The following ACOT11 variants were observed in gnomAD, a reference collection of about 807,000 sequenced individuals.
ACOT11 encodes the protein acyl-coenzyme A thioesterase 11.
A neutral mutation model predicts 77.5 loss-of-function variants in ACOT11; 69 were observed. That is an observed-to-expected ratio of 0.89 (90% CI 0.73 to 1.09). The LOEUF (loss-of-function observed/expected upper bound fraction) is 1.09, where lower values mean the gene tolerates loss of function less well. ACOT11 is among the 50% of genes least tolerant of loss of function. The pLI is 0.00. For missense variants in ACOT11, 766 were observed against 813.7 expected (o/e 0.94, Z 0.71); for synonymous variants, 279 against 313.0 (o/e 0.89, Z 1.15).
chr1:54,587,129 A>T (rs1229839765), intron 3 of ACOT11, among the ~76,000 whole-genome samples: 1 of 152,190 alleles, frequency 6.6e-6, no homozygotes, highest in Non-Finnish European at 1.5e-5. Flanking sequence ...TGCAAAGTCC[A>T]CTGGAGCACA....
intron 1 of ACOT11, among the ~76,000 whole-genome samples, chr1:54,580,336 C>CTG (rs1328380428): frequency 2.0e-5 from 3 of 152,346 alleles, no homozygotes; most frequent in Admixed American, 6.5e-5. Context: ...TCTGCAGGCA[C>CTG]TGTGATCTCA....
At chr1:54,582,576 A>C (rs1302726302) in intron 1 of ACOT11, 3 of 963,900 alleles carry the variant, frequency 3.1e-6, no homozygotes, top group Non-Finnish European at 3.7e-6. Context: ...ACGGGAGTGC[A>C]TGGGAGGAGG....
intron 1 of ACOT11, among the ~76,000 whole-genome samples, chr1:54,568,125 T>C (rs389591): frequency 0.29 from 44,684 of 151,980 alleles, 9,145 homozygotes; most frequent in African/African-American, 0.57. Context: ...TGTTCTCTTG[T>C]CCGCAACCCT....
At chr1:54,560,171 G>A (rs527652884) in intron 1 of ACOT11, among the ~76,000 whole-genome samples, 57 of 152,318 alleles carry the variant, frequency 3.7e-4, no homozygotes, top group Middle Eastern at 3.4e-3. Flanking sequence ...GAGACAGAGG[G>A]AGGTACAAAC....
chr1:54,597,057 C>G (rs1413589202), intron 6 of ACOT11, among the ~76,000 whole-genome samples: 1 of 152,252 alleles, frequency 6.6e-6, no homozygotes, highest in Non-Finnish European at 1.5e-5. Context: ...TGTCTCAGAG[C>G]TGGTGCTGCA....
intron 15 of ACOT11, among the ~76,000 whole-genome samples, chr1:54,623,068 C>G (rs184101890): frequency 6.6e-6 from 1 of 151,180 alleles, no homozygotes; most frequent in East Asian, 2.0e-4. Context: ...CCCAGCTACT[C>G]GGGAGGCTGA....
intron 1 of ACOT11, among the ~76,000 whole-genome samples, chr1:54,550,309 G>A (rs2100931795): frequency 6.6e-6 from 1 of 152,326 alleles, no homozygotes; most frequent in East Asian, 1.9e-4. Context: ...GGTATTGGGA[G>A]TGGAAGTTGG....
rs1654832915 is a variant in ACOT11, at chr1:54,594,673, A to G, written c.589A>G (p.Asn197Asp). ...AGACACCATCAAGGACCTCCTGGCC[A>G]ACTGCGCCATTCAGGGCGGTGAGCA... Reference protein sequence around the residue: ...YADTIKDLLANCAIQGDLESR... With the variant: ...YADTIKDLLADCAIQGDLESR... Residue 197 changes from asparagine to aspartate, a missense_variant, in exon 6 of 16, where the codon AAC becomes GAC. Physicochemically the swap from Asn to Asp is conservative, Grantham distance 23. Coordinates refer to ENST00000343744, the MANE Select transcript of ACOT11 (RefSeq NM_147161.4). 3 of 1,613,460 alleles carry G rather than the reference A, an allele frequency of 1.9e-6. No homozygotes were observed. In the African/African-American group the frequency reaches 4.0e-5, roughly 22 times the overall value.
At chr1:54,572,896 G>A (rs1034712892) in intron 1 of ACOT11, 7 of 983,136 alleles carry the variant, frequency 7.1e-6, no homozygotes, top group African/African-American at 1.7e-5. Flanking sequence ...CTGTCTAGCT[G>A]AACCTGAGGT....
intron 16 of ACOT11, among the ~76,000 whole-genome samples, chr1:54,631,132 C>G (rs1644297389): frequency 6.6e-6 from 1 of 152,164 alleles, no homozygotes; most frequent in Admixed American, 6.5e-5. Context: ...CTCCCCAGAT[C>G]TTTCTTTTCC....
intron 15 of ACOT11, among the ~76,000 whole-genome samples, chr1:54,624,585 C>T (rs929282627): frequency 2.6e-5 from 4 of 151,918 alleles, no homozygotes; most frequent in Admixed American, 6.6e-5. Context: ...CACTGACAGG[C>T]GGAGAGTTGG....
chr1:54,610,547 TGGC>T, downstream of ACOT11: 3 of 1,611,534 alleles, frequency 1.9e-6, no homozygotes, highest in Non-Finnish European at 2.5e-6. Context: ...GGTTTCCGTG[TGGC>T]ATTCACTGTG....
intron 1 of ACOT11, among the ~76,000 whole-genome samples, chr1:54,576,938 C>G (rs1311884155): frequency 6.6e-6 from 1 of 152,144 alleles, no homozygotes; most frequent in Non-Finnish European, 1.5e-5. Context: ...AACTAAGGCC[C>G]AGACATCTAA....
At chr1:54,557,758 C>T (rs1256167097) in intron 1 of ACOT11, among the ~76,000 whole-genome samples, 1 of 152,032 alleles carries the variant, frequency 6.6e-6, no homozygotes, top group Admixed American at 6.6e-5. Context: ...ATTTATTATT[C>T]CTACCAGTTT....
intron 1 of ACOT11, among the ~76,000 whole-genome samples, chr1:54,568,221 C>T (rs971598353): frequency 6.6e-6 from 1 of 152,168 alleles, no homozygotes; most frequent in African/African-American, 2.4e-5. Flanking sequence ...TAAAGAAGCT[C>T]CTCCCTGTCC....
chr1:54,608,007 G>A lies in ACOT11; in HGVS notation c.1568G>A (p.Arg523Lys). The change falls in exon 15 of 16, where the codon AGA (arginine) becomes AAA (lysine). Residue 523 changes from arginine (R) to lysine (K), a missense_variant. Transcript: ENST00000343744. ...ACACACCGAGAGACGCCAGAGTACA[G>A]ACGCGGAGAGACCCTCTGCTCAGGC... ...LPTHRETPEYRRGETLCSGFC... is the reference protein window; with the variant it reads ...LPTHRETPEYKRGETLCSGFC... 1 of 1,613,724 alleles carries A rather than the reference G, an allele frequency of 6.2e-7. No homozygotes were observed. The highest frequency in any genetic ancestry group is 8.5e-7 in the Non-Finnish European group (1 of 1,179,968).
At chr1:54,554,031 G>GGC (rs1205645393) in intron 1 of ACOT11, among the ~76,000 whole-genome samples, 2 of 152,030 alleles carry the variant, frequency 1.3e-5, no homozygotes, top group Admixed American at 1.3e-4. Flanking sequence ...AAAATTGCCA[G>GGC]GTGTGGTAGC....
At chr1:54,553,791 C>T (rs1474728879) in intron 1 of ACOT11, among the ~76,000 whole-genome samples, 1 of 152,164 alleles carries the variant, frequency 6.6e-6, no homozygotes, top group Non-Finnish European at 1.5e-5. Context: ...CAGCATTATA[C>T]TCTATTTCCA....
chr1:54,599,979 C>G (rs1643943637), intron 8 of ACOT11, among the ~76,000 whole-genome samples: 3 of 152,226 alleles, frequency 2.0e-5, no homozygotes, highest in Admixed American at 2.0e-4. Flanking sequence ...CCACCTCTTA[C>G]TGGCTCTGTG....
Sources: allele counts gnomAD v4.1 joint callset (sites outside exome capture counted in the v4.1 genomes callset), GRCh38; gene constraint gnomAD v4.1.1; transcripts MANE v1.5; gene names NCBI Gene and HGNC (gene_info 2026-07-23, HGNC 2026-07-21).